PKP4: variants seen among roughly 807,000 people sequenced by gnomAD.
PKP4 encodes plakophilin-4.
In PKP4, 90 loss-of-function variants were observed where a neutral mutation model predicts 145.1. The ratio of observed to expected loss-of-function variants is 0.62; its 90% CI spans 0.52 to 0.74. The LOEUF is 0.74. PKP4 is among the 30% of genes least tolerant of loss of function. The pLI is 0.00. For synonymous variants in PKP4, 563 were observed against 577.2 expected (o/e 0.98, Z 0.35); for missense variants, 1,340 against 1,482.7 (o/e 0.90, Z 1.58).
At chr2:158,532,345 T>C (rs1406524269) in intron 1 of PKP4, among the ~76,000 whole-genome samples, 1 of 152,192 alleles carries the variant, frequency 6.6e-6, no homozygotes, top group East Asian at 1.9e-4. Context: ...ACTGAAAATA[T>C]ATCATCCTTC....
chr2:158,476,657 A>T (rs929698492), intron 1 of PKP4, among the ~76,000 whole-genome samples: 1 of 152,164 alleles, frequency 6.6e-6, no homozygotes, highest in Non-Finnish European at 1.5e-5. Context: ...GAAATAAAAT[A>T]GTCTCAGATT....
In PKP4 at chr2:158,680,552, G is replaced by C; in HGVS notation, c.3454G>C (p.Ala1152Pro). ...TTTTGATGACCGAGTTCACTTTCCA[G>C]CTTCTACTGATTACTCAACACAGTA... ...PYFDDRVHFP[A>P]STDYSTQYGL... Residue 1152 changes from alanine (A) to proline (P), a missense_variant, in exon 22 of 22, where the codon GCT becomes CCT. Physicochemically the swap from Ala to Pro is conservative, Grantham distance 27 (BLOSUM62 -1). Transcript: ENST00000389759. 2 of 1,614,102 alleles carry C rather than the reference G, an allele frequency of 1.2e-6. No homozygotes were observed. Among genetic ancestry groups the C allele is most frequent in the Non-Finnish European group, 1.7e-6 (2 of 1,179,996 alleles).
At chr2:158,496,761 T>A (rs1574107078) in intron 1 of PKP4, among the ~76,000 whole-genome samples, 1 of 32,418 alleles carries the variant, frequency 3.1e-5, no homozygotes, top group Non-Finnish European at 5.3e-5. Flanking sequence ...TCTCTCTCCG[T>A]GTGTGTGTGT....
At chr2:158,576,248 A>G (rs571569273) in intron 2 of PKP4, among the ~76,000 whole-genome samples, 8 of 152,354 alleles carry the variant, frequency 5.3e-5, no homozygotes, top group Non-Finnish European at 1.0e-4. Context: ...TGGCAAACGA[A>G]TGTATACATA....
intron 2 of PKP4, among the ~76,000 whole-genome samples, chr2:158,557,450 T>G (rs565824320): frequency 1.6e-4 from 24 of 152,182 alleles, no homozygotes; most frequent in Admixed American, 1.4e-3. Flanking sequence ...ATTATATACA[T>G]GCAAGGTTTC....
rs761549120 is a variant in PKP4 at position 158,680,533 on chromosome 2, T to A, written c.3435T>A (p.Asp1145Glu). The A allele has an allele frequency of 1.9e-6, 3 of 1,614,066 alleles. No homozygotes were observed. In the Admixed American group the frequency reaches 5.0e-5, roughly 27 times the overall value. The change falls in exon 22 of 22, where the codon GAT becomes GAA. Residue 1145 changes from aspartate to glutamate, a missense_variant. Transcript: ENST00000389759. ...SPHSYEDPYFDDRVHFPASTD... is the reference protein window; with the variant it reads ...SPHSYEDPYFEDRVHFPASTD... ...ATAGCTATGAAGATCCTTATTTTGA[T>A]GACCGAGTTCACTTTCCAGCTTCTA...
At chr2:158,577,110 T>C (rs1352663691) in intron 2 of PKP4, among the ~76,000 whole-genome samples, 161 bp from the exon 3 acceptor site, 3 of 152,142 alleles carry the variant, frequency 2.0e-5, no homozygotes, top group Non-Finnish European at 4.4e-5. Context: ...TAGGAATCAA[T>C]AGGTCATTTA....
chr2:158,479,794 C>T (rs1323350941), intron 1 of PKP4, among the ~76,000 whole-genome samples: 3 of 152,146 alleles, frequency 2.0e-5, no homozygotes, highest in Admixed American at 2.0e-4. Context: ...CTGTATGACC[C>T]AGACAAGCAA....
In PKP4 at chr2:158,541,471, G is replaced by A. The variant is rs1347505662; in HGVS notation, c.132+8155G>A. Among the ~76,000 whole-genome samples, 5 of 152,178 alleles carry A rather than the reference G, an allele frequency of 3.3e-5. 1 individual carries two copies. In the Middle Eastern group the frequency reaches 0.01, roughly 311 times the overall value. On this transcript the variant is annotated intron_variant, in intron 2 of 21. Coordinates refer to ENST00000389759, the MANE Select transcript of PKP4 (RefSeq NM_003628.6). The stretch of plus-strand genomic sequence containing the variant: ...TTTCTTAGCTTATAGAATCTTAAGA[G>A]TTTTTATGTACCCAAACCTTAATAA...
intron 6 of PKP4, among the ~76,000 whole-genome samples, chr2:158,624,311 A>G (rs1186702366): frequency 6.6e-6 from 1 of 152,264 alleles, no homozygotes; most frequent in Non-Finnish European, 1.5e-5. Flanking sequence ...CACTTGATCC[A>G]AATGTTCATT....
At chr2:158,493,324 C>T (rs1203566472) in intron 1 of PKP4, among the ~76,000 whole-genome samples, 1 of 152,066 alleles carries the variant, frequency 6.6e-6, no homozygotes, top group Admixed American at 6.6e-5. Flanking sequence ...ACCAGTGAGC[C>T]AAATAGTTTC....
intron 1 of PKP4, among the ~76,000 whole-genome samples, chr2:158,472,631 A>G (rs2105407115): frequency 6.6e-6 from 1 of 151,664 alleles, no homozygotes; most frequent in South Asian, 2.1e-4. Flanking sequence ...AAAAAAAAAA[A>G]AAGAATTAAA....
At chr2:158,584,960 G>T (rs946438713) in intron 3 of PKP4, among the ~76,000 whole-genome samples, 1 of 151,674 alleles carries the variant, frequency 6.6e-6, no homozygotes, top group African/African-American at 2.4e-5. Flanking sequence ...TTTACAAATC[G>T]TAGTTTGTCT....
intron 20 of PKP4, 26 bp downstream of exon 20, chr2:158,676,893 A>G (rs2058058522): frequency 1.2e-6 from 2 of 1,613,798 alleles, no homozygotes; most frequent in South Asian, 1.1e-5. Context: ...GGTGTGTGAT[A>G]CAGTCTCTTG....
intron 4 of PKP4, among the ~76,000 whole-genome samples, chr2:158,611,522 C>T (rs1338859953): frequency 6.6e-6 from 1 of 152,142 alleles, no homozygotes; most frequent in Non-Finnish European, 1.5e-5. Flanking sequence ...GTCAATTTAT[C>T]TTTTCTTTTT....
chr2:158,676,664 G>C, intron 19 of PKP4, 75 bp from the exon 20 acceptor site: 10 of 1,548,972 alleles, frequency 6.5e-6, no homozygotes, highest in Non-Finnish European at 8.9e-6. Flanking sequence ...TGTTTCTGGA[G>C]AGGATTTTCC....
At chr2:158,524,150 C>A (rs1303248198) in intron 1 of PKP4, among the ~76,000 whole-genome samples, 1 of 75,586 alleles carries the variant, frequency 1.3e-5, no homozygotes, top group Non-Finnish European at 2.6e-5. Flanking sequence ...AGATACTCCT[C>A]GAGAAGAGCA....
intron 20 of PKP4, among the ~76,000 whole-genome samples, chr2:158,677,832 C>G (rs2058137762): frequency 6.6e-6 from 1 of 152,220 alleles, no homozygotes; most frequent in South Asian, 2.1e-4. Context: ...CAGCAGCCTG[C>G]TTTATCTTAC....
chr2:158,583,746 G>T (rs777243453), intron 3 of PKP4, among the ~76,000 whole-genome samples: 7 of 152,018 alleles, frequency 4.6e-5, no homozygotes, highest in African/African-American at 1.7e-4. Flanking sequence ...TAATTTTGAG[G>T]TAATTCCCCA....
Sources: allele counts gnomAD v4.1 joint callset (sites outside exome capture counted in the v4.1 genomes callset), GRCh38; gene constraint gnomAD v4.1.1; transcripts MANE v1.5; gene names NCBI Gene and HGNC (gene_info 2026-07-23, HGNC 2026-07-21).